Variants in LGALS12 observed in about 807,000 individuals in gnomAD.
LGALS12 encodes galectin 12.
In LGALS12, 36 loss-of-function variants were observed where a neutral mutation model predicts 36.8. That is an observed-to-expected ratio of 0.98 (90% CI 0.75 to 1.29). LGALS12 has a LOEUF of 1.29. Among genes scored for constraint, LGALS12 ranks in the 50% most tolerant of loss-of-function variants. The pLI, the probability that LGALS12 is intolerant of heterozygous loss-of-function variation, is 0.00. For missense variants in LGALS12, 366 were observed against 394.3 expected (o/e 0.93, Z 0.61); for synonymous variants, 145 against 155.9 (o/e 0.93, Z 0.52).
intron 1 of LGALS12, chr11:63,508,126 T>C: frequency 2.9e-6 from 3 of 1,044,662 alleles, no homozygotes; most frequent in Non-Finnish European, 3.5e-6. Context: ...TAGCTGTCAG[T>C]TCCTAACTTG....
intron 6 of LGALS12, 120 bp downstream of exon 6, chr11:63,511,225 A>C: frequency 1.1e-6 from 1 of 873,576 alleles, no homozygotes. Context: ...TTTATAGAAA[A>C]CTGCAGGCTG....
chr11:63,515,627 G>C lies in LGALS12; in HGVS notation c.712G>C (p.Asp238His). Residue 238 changes from aspartate (D) to histidine (H), a missense_variant, in exon 8 of 9, where the codon GAC (aspartate) becomes CAC (histidine). By Grantham distance (81) the Asp-to-His change is moderately conservative. Transcript: ENST00000394618. ...APVTLRASFA[D>H]RTLAWISRWG... Reference sequence around the variant, plus strand: ...TGTGACACTCAGGGCCTCCTTCGCAGACAGAACTCTGGCCTGGATCTCCCG... The same window carrying C: ...TGTGACACTCAGGGCCTCCTTCGCACACAGAACTCTGGCCTGGATCTCCCG... 6.2e-7 allele frequency: 1 copy of C among 1,614,244 alleles called. No homozygotes were observed. Among genetic ancestry groups the C allele is most frequent in the South Asian group, 1.1e-5 (1 of 91,082 alleles).
Position 63,511,061 on chromosome 11 carries a change from T to C in LGALS12, c.532-18T>C. The C allele has an allele frequency of 6.2e-7, 1 of 1,613,352 alleles. No homozygotes were observed. Among genetic ancestry groups the C allele is most frequent in the South Asian group, 1.1e-5 (1 of 91,074 alleles). On this transcript the variant is annotated intron_variant, in intron 5 of 8. Coordinates refer to ENST00000394618, the MANE Select transcript of LGALS12 (RefSeq NM_033101.4). Reference sequence around the variant, plus strand: ...AAATACCACATGGCCTTGTGTCCTCTCTTTCTTTCCCTGACAGCCTTTCCT... The same window carrying C: ...AAATACCACATGGCCTTGTGTCCTCCCTTTCTTTCCCTGACAGCCTTTCCT...
chr11:63,508,547 G>C lies in LGALS12; in HGVS notation c.70-6G>C, dbSNP rs1676234312. On this transcript the variant is annotated splice_region_variant and splice_polypyrimidine_tract_variant and intron_variant, in intron 1 of 8. Coordinates refer to ENST00000394618, the MANE Select transcript of LGALS12 (RefSeq NM_033101.4). ...CCTGCATGGATGAGTTTCTTTTCTTGTTCAGGTGGTTCCTTATGTCACGAC... is the reference window on the plus strand; with the variant it reads ...CCTGCATGGATGAGTTTCTTTTCTTCTTCAGGTGGTTCCTTATGTCACGAC... The C allele has an allele frequency of 6.2e-7, 1 of 1,614,010 alleles. No individual in the cohort carries two copies. Among genetic ancestry groups the C allele is most frequent in the Admixed American group, 1.7e-5 (1 of 59,998 alleles).
At position 63,516,261 on chromosome 11, in the gene LGALS12, C is replaced by G. The variant is rs1404601511; in HGVS notation, c.813C>G (p.Phe271Leu). 6.3e-7 allele frequency: 1 copy of G among 1,586,044 alleles called. No individual in the cohort carries two copies. Among genetic ancestry groups the G allele is most frequent in the Admixed American group, 1.8e-5 (1 of 55,878 alleles). Residue 271 changes from phenylalanine (F) to leucine (L), a missense_variant, in exon 9 of 9, where the codon TTC becomes TTG. Transcript: ENST00000394618. ...TCCTTTCCCAGGTGCTGCTCCTGTT[C>G]CAGGAGGGAGGGCTGAAGCTGGCGC... ...PQRFFEVLLL[F>L]QEGGLKLALN...
chr11:63,514,341 G>A (rs1259459850), intron 7 of LGALS12, among the ~76,000 whole-genome samples: 1 of 152,194 alleles, frequency 6.6e-6, no homozygotes, highest in Non-Finnish European at 1.5e-5. Context: ...GGAGGCCAAG[G>A]TGGGCAGATC....
At chr11:63,511,883 CTG>C in intron 7 of LGALS12, 43 bp downstream of exon 7, 2 of 1,217,850 alleles carry the variant, frequency 1.6e-6, no homozygotes, top group Non-Finnish European at 2.4e-6. Flanking sequence ...AGCAGCCTCT[CTG>C]TGACAGTCAC....
At chr11:63,512,441 T>A (rs752354347) in intron 7 of LGALS12, among the ~76,000 whole-genome samples, 1 of 152,228 alleles carries the variant, frequency 6.6e-6, no homozygotes, top group Non-Finnish European at 1.5e-5. Flanking sequence ...CACCTACTTG[T>A]GCAACCTTAG....
chr11:63,515,772 T>A, intron 8 of LGALS12, 59 bp downstream of exon 8: 2 of 1,569,070 alleles, frequency 1.3e-6, no homozygotes, highest in Non-Finnish European at 1.7e-6. Context: ...TGAAGTCCCA[T>A]AATGACCTGG....
At chr11:63,510,399 A>G in intron 4 of LGALS12, 64 bp from the exon 5 acceptor site, 3 of 1,527,176 alleles carry the variant, frequency 2.0e-6, no homozygotes, top group Non-Finnish European at 2.7e-6. Context: ...CCCACCTCCC[A>G]GGCATAGGTA....
At chr11:63,510,595 C>A in intron 5 of LGALS12, 94 bp downstream of exon 5, 2 of 1,221,848 alleles carry the variant, frequency 1.6e-6, no homozygotes, top group Non-Finnish European at 2.4e-6. Context: ...GCTGCCCCTT[C>A]CCTCACTGCT....
At chr11:63,509,623 C>T (rs535710140) in intron 3 of LGALS12, among the ~76,000 whole-genome samples, 155 bp from the exon 4 acceptor site, 16 of 152,312 alleles carry the variant, frequency 1.1e-4, no homozygotes, top group East Asian at 1.9e-4. Context: ...TTACTTAAGC[C>T]GCCCAAGGCT....
rs774412250 is a variant in LGALS12, at chr11:63,510,449, C to T, written c.493-14C>T. 19 of 1,613,894 alleles carry T rather than the reference C, an allele frequency of 1.2e-5. No homozygotes were observed. Among genetic ancestry groups the T allele is most frequent in the African/African-American group, 4.0e-5 (3 of 74,946 alleles). On this transcript the variant is annotated splice_polypyrimidine_tract_variant and intron_variant, in intron 4 of 8. Transcript: ENST00000394618. ...TCCTAAATGCTGCTGATTCTTTTCTCTCTTTCTGAACAGCCATTTGTGGAG... is the reference window on the plus strand; with the variant it reads ...TCCTAAATGCTGCTGATTCTTTTCTTTCTTTCTGAACAGCCATTTGTGGAG...
At chr11:63,515,424 G>GCC (rs2017048899) in intron 7 of LGALS12, 139 bp from the exon 8 acceptor site, 6 of 865,246 alleles carry the variant, frequency 6.9e-6, no homozygotes, top group Non-Finnish European at 1.1e-5. Flanking sequence ...GCTGTCATAG[G>GCC]CCCTCAGTGC....
At position 63,508,909 on chromosome 11, in the gene LGALS12, G is replaced by T. The variant is rs768253858; in HGVS notation, c.290G>T (p.Arg97Met). 5 of 1,614,140 alleles carry T rather than the reference G, an allele frequency of 3.1e-6. No individual in the cohort carries two copies. In the African/African-American group the frequency reaches 5.3e-5, roughly 17 times the overall value. Residue 97 changes from arginine to methionine, a missense_variant, in exon 3 of 9, where the codon AGG becomes ATG. Arg to Met is a moderately conservative substitution (Grantham distance 91). Transcript: ENST00000394618. Reference sequence around the variant, plus strand: ...ACCCTGCATGGTGGACGCTGGCAAAGGGAGGCCCGGTGGCCCCACCTGGCC... The same window carrying T: ...ACCCTGCATGGTGGACGCTGGCAAATGGAGGCCCGGTGGCCCCACCTGGCC... The part of the protein sequence containing the change: ...CNTLHGGRWQ[R>M]EARWPHLALR...
At chr11:63,508,733 G>A in intron 2 of LGALS12, 45 bp from the exon 3 acceptor site, 1 of 1,613,896 alleles carries the variant, frequency 6.2e-7, no homozygotes, top group Non-Finnish European at 8.5e-7. Flanking sequence ...GATCTCTGTG[G>A]GTCTCTGGTC....
rs200730271 is a variant in LGALS12, at chr11:63,509,947, C to T, written c.492+50C>T. 1.4e-5 allele frequency: 22 copies of T among 1,592,128 alleles called. No individual in the cohort carries two copies. The East Asian group carries it at 4.5e-4, about 33-fold the overall frequency. On this transcript the variant is annotated intron_variant, in intron 4 of 8. Coordinates refer to ENST00000394618, the MANE Select transcript of LGALS12 (RefSeq NM_033101.4). ...TGGGCAGTGGCAGCCTCTAATTTCCCCTGACTCCTGGACGGGCCTGGGACC... is the reference window on the plus strand; with the variant it reads ...TGGGCAGTGGCAGCCTCTAATTTCCTCTGACTCCTGGACGGGCCTGGGACC...
At chr11:63,511,680 G>A in intron 6 of LGALS12, 72 bp from the exon 7 acceptor site, 3 of 1,087,836 alleles carry the variant, frequency 2.8e-6, no homozygotes, top group Non-Finnish European at 4.2e-6. Context: ...TGCTCCCCTG[G>A]CCCCCGGGGA....
intron 3 of LGALS12, 102 bp downstream of exon 3, chr11:63,509,093 A>AC: frequency 3.1e-6 from 3 of 963,246 alleles, no homozygotes; most frequent in Non-Finnish European, 4.8e-6. Context: ...TGGCATTGGT[A>AC]GTGGTCAGGT....
Sources: allele counts gnomAD v4.1 joint callset (sites outside exome capture counted in the v4.1 genomes callset), GRCh38; gene constraint gnomAD v4.1.1; transcripts MANE v1.5; gene names NCBI Gene and HGNC (gene_info 2026-07-23, HGNC 2026-07-21).